Variants in ANKRD29 observed in about 807,000 individuals in gnomAD.
The protein encoded by ANKRD29 is ankyrin repeat domain-containing protein 29.
In ANKRD29, 32 loss-of-function variants were observed where a neutral mutation model predicts 38.0. The ratio of observed to expected loss-of-function variants is 0.84; its 90% CI spans 0.64 to 1.13. The LOEUF is 1.13. Ranked by LOEUF, ANKRD29 falls within the 50% of genes most tolerant of loss-of-function variation. ANKRD29 has a pLI of 0.00. For synonymous variants in ANKRD29, 135 were observed against 152.4 expected (o/e 0.89, Z 0.84); for missense variants, 357 against 377.9 (o/e 0.94, Z 0.46).
At position 23,601,125 on chromosome 18, in the gene ANKRD29, CTT is replaced by C; in HGVS notation, c.*99_*100del. On this transcript the variant is annotated 3_prime_UTR_variant, in exon 10 of 10. Transcript: ENST00000592179. ...CCCACAGGATGGGCATTCTGGGCAT[CTT>C]TTTTTTTCATAAAAGAATTTCCAAC... The C allele has an allele frequency of 9.4e-7, 1 of 1,064,474 alleles. No homozygotes were observed. Among genetic ancestry groups the C allele is most frequent in the Non-Finnish European group, 1.4e-6 (1 of 732,066 alleles). 65.9% of individuals were successfully genotyped at this position (1,064,474 alleles called of 1,614,324 possible). A position where few individuals can be genotyped will look rare whatever the true frequency, so the allele number is the denominator to read the frequency against.
At chr18:23,629,225 T>A (rs1307787041) in intron 6 of ANKRD29, among the ~76,000 whole-genome samples, 1 of 152,256 alleles carries the variant, frequency 6.6e-6, no homozygotes, top group African/African-American at 2.4e-5. Context: ...CCTCAAGTGA[T>A]CCTCCTGCCT....
At chr18:23,616,715 A>G (rs913992464) in intron 8 of ANKRD29, among the ~76,000 whole-genome samples, 1 of 146,330 alleles carries the variant, frequency 6.8e-6, no homozygotes, top group Non-Finnish European at 1.5e-5. Flanking sequence ...AATTAGTAAT[A>G]TTTATTACTA....
intron 6 of ANKRD29, among the ~76,000 whole-genome samples, chr18:23,625,320 T>G (rs2059849461): frequency 6.6e-6 from 1 of 152,070 alleles, no homozygotes; most frequent in Non-Finnish European, 1.5e-5. Context: ...TCAAGGGTGA[T>G]GGGACTGAGG....
At chr18:23,612,232 C>A in intron 8 of ANKRD29, 42 bp from the exon 9 acceptor site, 1 of 1,554,346 alleles carries the variant, frequency 6.4e-7, no homozygotes, top group Non-Finnish European at 8.8e-7. Context: ...GAGCTCACAG[C>A]CATTGGCATT....
At chr18:23,625,500 A>G (rs867546751) in intron 6 of ANKRD29, among the ~76,000 whole-genome samples, 29 of 152,130 alleles carry the variant, frequency 1.9e-4, no homozygotes, top group Admixed American at 6.6e-4. Context: ...AAACAGAGAT[A>G]TGAAGAGACT....
At chr18:23,613,356 G>C (rs2059668338) in intron 8 of ANKRD29, among the ~76,000 whole-genome samples, 1 of 151,704 alleles carries the variant, frequency 6.6e-6, no homozygotes. Context: ...ATTTTTTGTA[G>C]AGACAGGGTT....
At chr18:23,607,423 T>C (rs2059587613) in intron 9 of ANKRD29, among the ~76,000 whole-genome samples, 1 of 152,094 alleles carries the variant, frequency 6.6e-6, no homozygotes. Flanking sequence ...GGCTGGTCCA[T>C]GGTAAGCAGA....
rs1482037509 is a variant in ANKRD29 at position 23,640,743 on chromosome 18, C to T, written c.232-1796G>A. 2.0e-5 allele frequency among the ~76,000 whole-genome samples: 3 copies of T among 152,188 alleles called. No individual in the cohort carries two copies. The East Asian group carries it at 5.8e-4, about 29-fold the overall frequency. On this transcript the variant is annotated intron_variant, in intron 3 of 9. Coordinates refer to ENST00000592179, the MANE Select transcript of ANKRD29 (RefSeq NM_173505.4). Reference sequence around the variant, plus strand: ...ATGAACCATTCTTGTGGGCAACATACATTTTTCCTATAGAGTACTCTTCAC... The same window carrying T: ...ATGAACCATTCTTGTGGGCAACATATATTTTTCCTATAGAGTACTCTTCAC...
intron 8 of ANKRD29, 94 bp downstream of exon 8, chr18:23,617,638 G>T: frequency 2.1e-6 from 2 of 946,994 alleles, no homozygotes; most frequent in Non-Finnish European, 3.3e-6. Flanking sequence ...AACTAACCAG[G>T]CTAACTGCAC....
intron 6 of ANKRD29, among the ~76,000 whole-genome samples, chr18:23,621,205 C>CG (rs1326066670): frequency 6.6e-6 from 1 of 152,138 alleles, no homozygotes; most frequent in African/African-American, 2.4e-5. Flanking sequence ...AATTACCCAT[C>CG]GGGGGAAGGG....
chr18:23,656,690 T>C (rs1224350855), intron 1 of ANKRD29, among the ~76,000 whole-genome samples: 1 of 152,198 alleles, frequency 6.6e-6, no homozygotes, highest in Non-Finnish European at 1.5e-5. Context: ...GCTAAATCAT[T>C]TAAAAAGCAG....
intron 1 of ANKRD29, among the ~76,000 whole-genome samples, chr18:23,656,091 T>TC (rs2060279748): frequency 8.6e-6 from 1 of 116,914 alleles, no homozygotes; most frequent in South Asian, 2.6e-4. Context: ...AGACTCCGTC[T>TC]CAAAAAAAAA....
chr18:23,620,544 G>A (rs2059783866), intron 6 of ANKRD29, among the ~76,000 whole-genome samples: 2 of 152,128 alleles, frequency 1.3e-5, no homozygotes, highest in African/African-American at 2.4e-5. Context: ...GGGGGAAGGC[G>A]GAGGTCACGT....
chr18:23,660,814 C>T (rs1030754604), intron 1 of ANKRD29, among the ~76,000 whole-genome samples: 3 of 152,180 alleles, frequency 2.0e-5, no homozygotes, highest in Non-Finnish European at 4.4e-5. Context: ...TCCAAACAAA[C>T]AAACAAACTA....
At chr18:23,659,040 G>A (rs1390197158) in intron 1 of ANKRD29, among the ~76,000 whole-genome samples, 1 of 152,142 alleles carries the variant, frequency 6.6e-6, no homozygotes, top group East Asian at 1.9e-4. Context: ...GGAATGCAGT[G>A]GTATGATCTT....
intron 1 of ANKRD29, among the ~76,000 whole-genome samples, chr18:23,649,949 T>C (rs1481073418): frequency 1.3e-5 from 2 of 152,102 alleles, no homozygotes; most frequent in African/African-American, 2.4e-5. Context: ...AGGATGGTCT[T>C]GTACTCTTGA....
chr18:23,648,131 T>A (rs1399672131), intron 2 of ANKRD29: 1 of 152,320 alleles, frequency 6.6e-6, no homozygotes, highest in African/African-American at 2.4e-5. Context: ...CTCTGACTCC[T>A]GCAGATGCTC....
intron 5 of ANKRD29, among the ~76,000 whole-genome samples, chr18:23,633,042 T>C (rs2059954024): frequency 6.6e-6 from 1 of 152,226 alleles, no homozygotes; most frequent in African/African-American, 2.4e-5. Context: ...TCCTAGATAA[T>C]TGGAAGTAGG....
At chr18:23,643,069 C>A (rs932328065) in intron 3 of ANKRD29, among the ~76,000 whole-genome samples, 83 of 152,298 alleles carry the variant, frequency 5.4e-4, no homozygotes, top group Non-Finnish European at 7.4e-4. Flanking sequence ...TGCTATCTGA[C>A]AATCTCTTTT....
Sources: allele counts gnomAD v4.1 joint callset (sites outside exome capture counted in the v4.1 genomes callset), GRCh38; gene constraint gnomAD v4.1.1; transcripts MANE v1.5; gene names NCBI Gene and HGNC (gene_info 2026-07-23, HGNC 2026-07-21).